DENND1A: variants seen among roughly 807,000 people sequenced by gnomAD.
DENND1A encodes DENN domain-containing protein 1A.
Under a neutral mutation model 113.7 loss-of-function variants are expected in DENND1A, and 51 were observed. The ratio of observed to expected loss-of-function variants is 0.45; its 90% CI spans 0.36 to 0.57. DENND1A has a LOEUF of 0.57. DENND1A is among the 20% of genes least tolerant of loss of function. The probability of loss-of-function intolerance (pLI) is 0.00; values close to 1 mark genes in which losing one functional copy is unlikely to be tolerated. For missense variants in DENND1A, 1,258 were observed against 1,395.9 expected, an observed-to-expected ratio of 0.90 and a Z score of 1.57; for synonymous variants, 565 against 570.8, an observed-to-expected ratio of 0.99 and a Z score of 0.14.
intron 13 of DENND1A, among the ~76,000 whole-genome samples, chr9:123,462,729 G>A (rs543101939): frequency 7.2e-5 from 11 of 152,216 alleles, no homozygotes; most frequent in African/African-American, 2.4e-4. Flanking sequence ...CCCGGGAGGC[G>A]GAGGTTGCAG....
intron 13 of DENND1A, among the ~76,000 whole-genome samples, chr9:123,513,766 G>T (rs975390086): frequency 6.6e-6 from 1 of 152,230 alleles, no homozygotes; most frequent in African/African-American, 2.4e-5. Flanking sequence ...GGTCAATCCA[G>T]ATGGATTTAC....
At chr9:123,617,859 G>A (rs568695720) in intron 10 of DENND1A, among the ~76,000 whole-genome samples, 2 of 152,240 alleles carry the variant, frequency 1.3e-5, no homozygotes, top group East Asian at 1.9e-4. Context: ...ATGAATGAAT[G>A]AGCCACAAAA....
intron 5 of DENND1A, among the ~76,000 whole-genome samples, chr9:123,741,311 G>C (rs1224138040): frequency 1.3e-5 from 2 of 152,198 alleles, no homozygotes; most frequent in Admixed American, 6.5e-5. Flanking sequence ...AGTGGAAAGA[G>C]ATATGAACGG....
intron 11 of DENND1A, among the ~76,000 whole-genome samples, chr9:123,595,672 C>T (rs1185115212): frequency 1.3e-5 from 2 of 152,174 alleles, no homozygotes; most frequent in East Asian, 3.9e-4. Context: ...ACTCAGCCTT[C>T]TCTAGCACCA....
intron 20 of DENND1A, among the ~76,000 whole-genome samples, chr9:123,406,103 G>T (rs1192109270): frequency 6.6e-6 from 1 of 152,204 alleles, no homozygotes; most frequent in Non-Finnish European, 1.5e-5. Flanking sequence ...TGGGTGACAC[G>T]GCACGGTGGC....
At chr9:123,903,311 G>A (rs1205577453) in intron 1 of DENND1A, among the ~76,000 whole-genome samples, 24 of 113,038 alleles carry the variant, frequency 2.1e-4, no homozygotes, top group Admixed American at 1.6e-3. Context: ...CAGCCTGGGC[G>A]ACAGAGCGAG....
chr9:123,716,811 G>A (rs886171625), intron 5 of DENND1A, among the ~76,000 whole-genome samples: 1 of 152,156 alleles, frequency 6.6e-6, no homozygotes, highest in African/African-American at 2.4e-5. Flanking sequence ...CAGATGCTGT[G>A]AGTATCACGT....
intron 13 of DENND1A, among the ~76,000 whole-genome samples, chr9:123,484,053 T>C (rs1464682174): frequency 6.6e-6 from 1 of 152,236 alleles, no homozygotes; most frequent in South Asian, 2.1e-4. Flanking sequence ...CTAAATCTGG[T>C]CAGAGGGACT....
chr9:123,725,029 A>C (rs1236306902), intron 5 of DENND1A, among the ~76,000 whole-genome samples: 5 of 152,230 alleles, frequency 3.3e-5, no homozygotes, highest in Non-Finnish European at 7.3e-5. Context: ...AGCAACTCTT[A>C]CTCATTTTTG....
intron 1 of DENND1A, among the ~76,000 whole-genome samples, chr9:123,902,055 G>T (rs769925890): frequency 7.2e-5 from 11 of 152,010 alleles, no homozygotes; most frequent in Middle Eastern, 6.8e-3. Context: ...TAAAGCAAAA[G>T]AAAATATCCA....
intron 2 of DENND1A, 61 bp downstream of exon 2, chr9:123,878,890 C>A (rs906185949): frequency 1.3e-6 from 2 of 1,519,942 alleles, no homozygotes; most frequent in Non-Finnish European, 1.8e-6. Flanking sequence ...TATTATCTCA[C>A]GTGCATAGCT....
intron 1 of DENND1A, among the ~76,000 whole-genome samples, chr9:123,911,761 G>T (rs1457732225): frequency 6.6e-6 from 1 of 151,820 alleles, no homozygotes; most frequent in African/African-American, 2.4e-5. Context: ...TGCGATCTTG[G>T]CTCACTGCAA....
chr9:123,561,776 CT>C (rs1329683718), intron 12 of DENND1A, among the ~76,000 whole-genome samples: 1 of 152,150 alleles, frequency 6.6e-6, no homozygotes, highest in Non-Finnish European at 1.5e-5. Flanking sequence ...CTAAGACGCC[CT>C]TTCCCCTCTG....
At chr9:123,502,292 G>A (rs2052559645) in intron 13 of DENND1A, among the ~76,000 whole-genome samples, 1 of 145,624 alleles carries the variant, frequency 6.9e-6, no homozygotes, top group Non-Finnish European at 1.5e-5. Context: ...TGTATGTCCT[G>A]TTAGTTCTGT....
intron 13 of DENND1A, among the ~76,000 whole-genome samples, chr9:123,468,361 TCA>T (rs2049123022): frequency 6.6e-6 from 1 of 152,020 alleles, no homozygotes; most frequent in Admixed American, 6.6e-5. Context: ...AATGCCAGAG[TCA>T]CAGATTTTGA....
intron 1 of DENND1A, among the ~76,000 whole-genome samples, chr9:123,921,761 C>T (rs111373532): frequency 6.6e-6 from 1 of 152,160 alleles, no homozygotes; most frequent in Non-Finnish European, 1.5e-5. Context: ...CTCAGAAAAG[C>T]AAACATATAA....
At chr9:123,641,895 A>C (rs2062048635) in intron 9 of DENND1A, among the ~76,000 whole-genome samples, 1 of 152,182 alleles carries the variant, frequency 6.6e-6, no homozygotes, top group South Asian at 2.1e-4. Flanking sequence ...AAGAACCTGC[A>C]TTTTAACAAG....
chr9:123,566,935 A>ACACACG (rs2058086649), intron 12 of DENND1A, among the ~76,000 whole-genome samples: 2 of 151,886 alleles, frequency 1.3e-5, no homozygotes, highest in African/African-American at 4.8e-5. Flanking sequence ...ACACACACAC[A>ACACACG]CACACAAACA....
At chr9:123,410,934 G>A (rs570112497) in intron 20 of DENND1A, among the ~76,000 whole-genome samples, 24 of 152,248 alleles carry the variant, frequency 1.6e-4, no homozygotes, top group Middle Eastern at 3.4e-3. Context: ...CAGCATGGCC[G>A]GAGTCTGACC....
Sources: gnomAD v4.1 joint callset for allele counts (sites outside exome capture counted in the v4.1 genomes callset) on GRCh38, gnomAD v4.1.1 for gene constraint, MANE v1.5 for transcripts, NCBI Gene and HGNC (gene_info 2026-07-23, HGNC 2026-07-21) for gene names.